Variants in COL4A2 observed in about 807,000 individuals in gnomAD.
COL4A2 encodes collagen alpha-2(IV) chain.
Under a neutral mutation model 200.2 loss-of-function variants are expected in COL4A2, and 99 were observed. That is an observed-to-expected ratio of 0.49 (90% CI 0.42 to 0.58). The LOEUF is 0.58. Ranked by LOEUF, COL4A2 falls within the 20% of genes least tolerant of loss-of-function variation. COL4A2 has a pLI of 0.00. For missense variants in COL4A2, 1,950 were observed against 2,314.1 expected (o/e 0.84, Z 3.23); for synonymous variants, 897 against 900.6 (o/e 1.00, Z 0.07).
intron 12 of COL4A2, 183 bp from the exon 13 acceptor site, chr13:110,436,085 AG>A: frequency 2.4e-6 from 2 of 841,280 alleles, no homozygotes; most frequent in East Asian, 4.9e-5. Flanking sequence ...TAATGAAAGG[AG>A]GATATAAAAA....
At chr13:110,462,728 A>G (rs571265458) in intron 24 of COL4A2, among the ~76,000 whole-genome samples, 3 of 152,284 alleles carry the variant, frequency 2.0e-5, no homozygotes, top group South Asian at 4.2e-4. Flanking sequence ...TGAAATATAC[A>G]ATTTCATTTT....
At chr13:110,320,556 A>C in intron 3 of COL4A2, among the ~76,000 whole-genome samples, 1 of 152,240 alleles carries the variant, frequency 6.6e-6, no homozygotes, top group Non-Finnish European at 1.5e-5. Context: ...AATCCTGCCT[A>C]GAAGTTCCAG....
At chr13:110,365,686 T>C (rs116738317) in intron 4 of COL4A2, among the ~76,000 whole-genome samples, 6,210 of 152,298 alleles carry the variant, frequency 0.041, 405 homozygotes, top group African/African-American at 0.14. Flanking sequence ...AGAGTCACCC[T>C]GGCCCCATTG....
At chr13:110,319,719 A>T (rs1343365472) in intron 3 of COL4A2, among the ~76,000 whole-genome samples, 2 of 152,164 alleles carry the variant, frequency 1.3e-5, no homozygotes, top group African/African-American at 4.8e-5. Flanking sequence ...CAAGCATCCA[A>T]GTTACAATTC....
intron 40 of COL4A2, among the ~76,000 whole-genome samples, chr13:110,500,904 A>G (rs1423387999): frequency 6.6e-6 from 1 of 152,232 alleles, no homozygotes; most frequent in Non-Finnish European, 1.5e-5. Flanking sequence ...ATGCACTTCA[A>G]CACAATACAT....
chr13:110,311,373 T>C (rs563313225), intron 3 of COL4A2, among the ~76,000 whole-genome samples: 11 of 152,278 alleles, frequency 7.2e-5, no homozygotes, highest in Non-Finnish European at 1.3e-4. Flanking sequence ...AATGGCTTCG[T>C]GTAAGGCAGT....
intron 31 of COL4A2, among the ~76,000 whole-genome samples, chr13:110,482,277 G>A (rs1392702588): frequency 1.3e-5 from 2 of 152,210 alleles, no homozygotes; most frequent in African/African-American, 4.8e-5. Flanking sequence ...TGATCTTTGT[G>A]TGTTTCCTTG....
At chr13:110,353,561 C>T (rs1017165342) in intron 3 of COL4A2, among the ~76,000 whole-genome samples, 2 of 152,182 alleles carry the variant, frequency 1.3e-5, no homozygotes, top group African/African-American at 4.8e-5. Flanking sequence ...GTTTCAGAGA[C>T]CCATGTCTTC....
At chr13:110,361,924 A>C (rs1176110628) in intron 4 of COL4A2, among the ~76,000 whole-genome samples, 8 of 152,216 alleles carry the variant, frequency 5.3e-5, no homozygotes, top group Admixed American at 5.2e-4. Context: ...CACTGACTTC[A>C]GGAGGGAAAT....
At chr13:110,473,173 G>A (rs547810227) in intron 29 of COL4A2, 23 bp downstream of exon 29, 19 of 1,542,544 alleles carry the variant, frequency 1.2e-5, no homozygotes, top group Middle Eastern at 4.2e-4. Context: ...TCGGGGAGCC[G>A]GGGGCCCCAT....
chr13:110,414,590 ATC>A (rs1421956435), intron 4 of COL4A2, among the ~76,000 whole-genome samples: 1 of 152,190 alleles, frequency 6.6e-6, no homozygotes, highest in Non-Finnish European at 1.5e-5. Flanking sequence ...GACCCCCCCG[ATC>A]TCTCTCAGAT....
At chr13:110,454,578 G>A (rs139093876) in intron 20 of COL4A2, among the ~76,000 whole-genome samples, 143 of 152,192 alleles carry the variant, frequency 9.4e-4, no homozygotes, top group Middle Eastern at 6.8e-3. Context: ...CCTGGTCACC[G>A]GTCACCCTTT....
At chr13:110,449,592 A>C in intron 18 of COL4A2, 87 bp from the exon 19 acceptor site, 1 of 1,271,420 alleles carries the variant, frequency 7.9e-7, no homozygotes, top group Non-Finnish European at 1.1e-6. Context: ...AGCATTTGGT[A>C]AATATGTAGT....
Position 110,508,259 on chromosome 13 carries a change from C to G in COL4A2, c.4881+38C>G. On this transcript the variant is annotated intron_variant, in intron 47 of 47. Coordinates refer to ENST00000360467, the MANE Select transcript of COL4A2 (RefSeq NM_001846.4). The surrounding 1 kb of genome is among the most constrained non-coding windows in gnomAD (Gnocchi z 6.1). ...TGCCCAGTTCCCCTCCCCAACCACA[C>G]CCTGCTGGGGACACAGCAAGAACAG... 1 of 1,603,652 alleles carries G rather than the reference C, an allele frequency of 6.2e-7. No individual in the cohort carries two copies. The highest frequency in any genetic ancestry group is 8.5e-7 in the Non-Finnish European group (1 of 1,173,010).
intron 4 of COL4A2, among the ~76,000 whole-genome samples, chr13:110,362,375 C>T (rs1877555557): frequency 6.6e-6 from 1 of 152,182 alleles, no homozygotes; most frequent in South Asian, 2.1e-4. Flanking sequence ...AACAAGGTGC[C>T]CGCCCCTAGC....
In COL4A2 at chr13:110,489,435, C is replaced by A; in HGVS notation, c.3208-10C>A. On this transcript the variant is annotated splice_polypyrimidine_tract_variant and intron_variant, in intron 34 of 47. Coordinates refer to ENST00000360467, the MANE Select transcript of COL4A2 (RefSeq NM_001846.4). Reference sequence around the variant, plus strand: ...AACAGCCTTCTAAGATGGTTCATGTCTGTCTTTAGGGTGACAAAGGTGCCC... The same window carrying A: ...AACAGCCTTCTAAGATGGTTCATGTATGTCTTTAGGGTGACAAAGGTGCCC... The A allele has an allele frequency of 6.2e-7, 1 of 1,613,956 alleles. No homozygotes were observed. The highest frequency in any genetic ancestry group is 8.5e-7 in the Non-Finnish European group (1 of 1,179,920).
At chr13:110,423,971 C>T (rs1392810510) in intron 4 of COL4A2, among the ~76,000 whole-genome samples, 6 of 152,180 alleles carry the variant, frequency 3.9e-5, no homozygotes, top group Non-Finnish European at 7.3e-5. Context: ...TGAGTGGTTT[C>T]CACCTTTTGG....
At chr13:110,343,107 A>G (rs1406752900) in intron 3 of COL4A2, among the ~76,000 whole-genome samples, 1 of 152,178 alleles carries the variant, frequency 6.6e-6, no homozygotes, top group East Asian at 1.9e-4. Flanking sequence ...GGAACATGCA[A>G]TCTTTGCAAC....
chr13:110,327,484 C>T (rs1393491535), intron 3 of COL4A2, among the ~76,000 whole-genome samples: 3 of 152,254 alleles, frequency 2.0e-5, no homozygotes, highest in Non-Finnish European at 4.4e-5. Context: ...TATAACTCTG[C>T]ATTTTACATT....
Sources: allele counts gnomAD v4.1 joint callset (sites outside exome capture counted in the v4.1 genomes callset), GRCh38; gene constraint gnomAD v4.1.1; non-coding constraint Gnocchi (gnomAD v3.1); transcripts MANE v1.5; gene names NCBI Gene and HGNC (gene_info 2026-07-23, HGNC 2026-07-21).